HTR7: variants seen among roughly 807,000 people sequenced by gnomAD.
The protein encoded by HTR7 is 5-hydroxytryptamine receptor 7.
A neutral mutation model predicts 34.0 loss-of-function variants in HTR7; 16 were observed. The ratio of observed to expected loss-of-function variants is 0.47; its 90% CI spans 0.32 to 0.71. The LOEUF (loss-of-function observed/expected upper bound fraction) is 0.71, where lower values mean the gene tolerates loss of function less well. Among genes scored for constraint, HTR7 ranks in the 30% least tolerant of loss-of-function variants. The pLI is 0.04. For synonymous variants in HTR7, 265 were observed against 260.2 expected, an observed-to-expected ratio of 1.02 and a Z score of -0.18; for missense variants, 504 against 625.5, an observed-to-expected ratio of 0.81 and a Z score of 2.07.
chr10:90,822,081 C>T (rs1029800574), intron 1 of HTR7, among the ~76,000 whole-genome samples: 5 of 152,064 alleles, frequency 3.3e-5, no homozygotes, highest in Non-Finnish European at 5.9e-5. Context: ...TGGGGCATTG[C>T]TATAAATATA....
chr10:90,853,512 C>T (rs1247405758), intron 1 of HTR7, among the ~76,000 whole-genome samples: 2 of 150,836 alleles, frequency 1.3e-5, no homozygotes, highest in East Asian at 1.9e-4. Flanking sequence ...CCTGTGTTGC[C>T]CAGGCTGGTC....
chr10:90,766,426 C>A (rs2420367), intron 1 of HTR7, among the ~76,000 whole-genome samples: 94,262 of 152,092 alleles, frequency 0.62, 31,078 homozygotes, highest in African/African-American at 0.87. Context: ...CCTTAAAGCT[C>A]AAGTGAGTCT....
chr10:90,752,724 T>C (rs1001888771), intron 1 of HTR7, among the ~76,000 whole-genome samples: 1 of 152,122 alleles, frequency 6.6e-6, no homozygotes, highest in Non-Finnish European at 1.5e-5. Flanking sequence ...GGGAATTCAA[T>C]ATAAAAGGAG....
intron 1 of HTR7, among the ~76,000 whole-genome samples, chr10:90,760,272 A>G (rs1844914016): frequency 6.6e-6 from 1 of 152,220 alleles, no homozygotes; most frequent in African/African-American, 2.4e-5. Flanking sequence ...TAAACACCAC[A>G]TGTTCTCACT....
At chr10:90,771,202 C>A (rs151053111) in intron 1 of HTR7, among the ~76,000 whole-genome samples, 3 of 152,176 alleles carry the variant, frequency 2.0e-5, no homozygotes, top group African/African-American at 4.8e-5. Context: ...CAATGGGACA[C>A]CCTGGCCTTA....
intron 1 of HTR7, among the ~76,000 whole-genome samples, chr10:90,782,645 C>G (rs958817721): frequency 1.3e-5 from 2 of 152,016 alleles, no homozygotes; most frequent in African/African-American, 4.8e-5. Context: ...TAATTGTGCT[C>G]TTAAATGGTG....
chr10:90,780,518 C>A (rs1845291933), intron 1 of HTR7, among the ~76,000 whole-genome samples: 1 of 131,442 alleles, frequency 7.6e-6, no homozygotes, highest in Admixed American at 8.5e-5. Context: ...GCCTGGGCGA[C>A]AGAGTGAGAC....
At position 90,857,039 on chromosome 10, in the gene HTR7, T is replaced by C; in HGVS notation, c.539+94A>G. The C allele has an allele frequency of 8.4e-7, 1 of 1,194,572 alleles. No homozygotes were observed. The highest frequency in any genetic ancestry group is 1.2e-6 in the Non-Finnish European group (1 of 863,660). 74.0% of individuals were successfully genotyped at this position (1,194,572 alleles called of 1,614,324 possible). A position where few individuals can be genotyped will look rare whatever the true frequency, so the allele number is the denominator to read the frequency against. On this transcript the variant is annotated intron_variant, in intron 1 of 3. Coordinates refer to ENST00000336152, the MANE Select transcript of HTR7 (RefSeq NM_019859.4). The surrounding 1 kb of genome is among the most constrained non-coding windows in gnomAD (Gnocchi z 6.5). ...CGCAGCCCTTCATCCCGCCTTGAAG[T>C]CTAGCTTGATCCTCCCAGGAAAGGC...
intron 1 of HTR7, among the ~76,000 whole-genome samples, chr10:90,830,945 G>A (rs1395107091): frequency 6.6e-6 from 1 of 152,200 alleles, no homozygotes; most frequent in Non-Finnish European, 1.5e-5. Context: ...CCAGACAAGA[G>A]GTCAGTCCGG....
chr10:90,777,478 C>G (rs1043637093), intron 1 of HTR7, among the ~76,000 whole-genome samples: 3 of 121,296 alleles, frequency 2.5e-5, no homozygotes, highest in Non-Finnish European at 4.9e-5. Flanking sequence ...GAGACTCCGT[C>G]TCAAAAAAAA....
intron 1 of HTR7, among the ~76,000 whole-genome samples, chr10:90,835,144 G>A (rs1846235154): frequency 1.3e-5 from 2 of 152,166 alleles, no homozygotes; most frequent in African/African-American, 4.8e-5. Context: ...ATTCTGTATA[G>A]GTATATTTGA....
chr10:90,781,960 A>C (rs953732415), intron 1 of HTR7, among the ~76,000 whole-genome samples: 3 of 152,204 alleles, frequency 2.0e-5, no homozygotes, highest in Non-Finnish European at 4.4e-5. Context: ...CTTTGACTGC[A>C]GACCTTGACT....
At chr10:90,805,313 A>C (rs1460502425) in intron 1 of HTR7, among the ~76,000 whole-genome samples, 1 of 152,230 alleles carries the variant, frequency 6.6e-6, no homozygotes, top group Non-Finnish European at 1.5e-5. Flanking sequence ...GAAGCCAGTT[A>C]TCTAAATAAC....
chr10:90,832,647 GCTC>G (rs1846196677), intron 1 of HTR7, among the ~76,000 whole-genome samples: 1 of 152,206 alleles, frequency 6.6e-6, no homozygotes, highest in Non-Finnish European at 1.5e-5. Context: ...GGGCTGAAGG[GCTC>G]CTCAAGCATG....
intron 1 of HTR7, among the ~76,000 whole-genome samples, chr10:90,762,919 C>G (rs1731350440): frequency 1.3e-5 from 2 of 152,162 alleles, no homozygotes; most frequent in South Asian, 4.1e-4. Context: ...CTCTTGGCAT[C>G]CTTGTCCATT....
At chr10:90,772,090 T>A (rs1289620143) in intron 1 of HTR7, among the ~76,000 whole-genome samples, 2 of 152,158 alleles carry the variant, frequency 1.3e-5, no homozygotes, top group Non-Finnish European at 2.9e-5. Context: ...AAAATTACCA[T>A]AAAATTTATT....
At chr10:90,823,765 T>A (rs1846024918) in intron 1 of HTR7, among the ~76,000 whole-genome samples, 1 of 152,156 alleles carries the variant, frequency 6.6e-6, no homozygotes, top group Non-Finnish European at 1.5e-5. Context: ...GTTGATTCAA[T>A]TATGGGGGTG....
At chr10:90,777,164 T>G (rs1248227134) in intron 1 of HTR7, among the ~76,000 whole-genome samples, 1 of 152,148 alleles carries the variant, frequency 6.6e-6, no homozygotes, top group African/African-American at 2.4e-5. Context: ...TTCCCATTTT[T>G]AAAAGACTTA....
At chr10:90,763,857 G>T (rs1029160544) in intron 1 of HTR7, among the ~76,000 whole-genome samples, 1 of 152,088 alleles carries the variant, frequency 6.6e-6, no homozygotes. Context: ...TCTTTATCCG[G>T]TCTATCATTG....
Sources: allele counts gnomAD v4.1 joint callset (sites outside exome capture counted in the v4.1 genomes callset), GRCh38; gene constraint gnomAD v4.1.1; non-coding constraint Gnocchi (gnomAD v3.1); transcripts MANE v1.5; gene names NCBI Gene and HGNC (gene_info 2026-07-23, HGNC 2026-07-21).